Variants in SKAP2 observed in about 807,000 individuals in gnomAD.
SKAP2 encodes src kinase associated phosphoprotein 2, also known as src kinase-associated phosphoprotein 2.
Under a neutral mutation model 54.9 loss-of-function variants are expected in SKAP2, and 28 were observed. That is an observed-to-expected ratio of 0.51 (90% confidence interval 0.38 to 0.70). The LOEUF is 0.70. Among genes scored for constraint, SKAP2 ranks in the 30% least tolerant of loss-of-function variants. The pLI, the probability that SKAP2 is intolerant of heterozygous loss-of-function variation, is 0.00. For synonymous variants in SKAP2, 137 were observed against 134.3 expected, an observed-to-expected ratio of 1.02 and a Z score of -0.14; for missense variants, 356 against 424.1, an observed-to-expected ratio of 0.84 and a Z score of 1.41.
intron 1 of SKAP2, among the ~76,000 whole-genome samples, chr7:26,855,306 T>A (rs529446238): frequency 1.3e-5 from 2 of 152,198 alleles, no homozygotes; most frequent in East Asian, 3.9e-4. Context: ...TTCATATTAT[T>A]ATGTCAATAC....
chr7:26,807,815 G>A (rs868374542), intron 4 of SKAP2, among the ~76,000 whole-genome samples: 9 of 152,150 alleles, frequency 5.9e-5, no homozygotes, highest in Admixed American at 3.3e-4. Context: ...CCACATTGAC[G>A]CAAGACGCTC....
intron 1 of SKAP2, among the ~76,000 whole-genome samples, chr7:26,860,400 G>T (rs1176019491): frequency 6.6e-6 from 1 of 152,078 alleles, no homozygotes; most frequent in Non-Finnish European, 1.5e-5. Flanking sequence ...TTCTAGAAAA[G>T]AATATCTTGG....
chr7:26,689,111 C>G (rs1390685358), intron 10 of SKAP2, among the ~76,000 whole-genome samples: 2 of 152,166 alleles, frequency 1.3e-5, no homozygotes, highest in African/African-American at 4.8e-5. Context: ...AATCAGGCCT[C>G]TGTTTCCTTT....
At chr7:26,863,336 CTAGT>C (rs747432516) in intron 1 of SKAP2, among the ~76,000 whole-genome samples, 4 of 152,058 alleles carry the variant, frequency 2.6e-5, no homozygotes, top group Non-Finnish European at 4.4e-5. Flanking sequence ...AATCTGTAAT[CTAGT>C]TATTCATAAG....
At chr7:26,672,467 G>A (rs577170758) in intron 11 of SKAP2, among the ~76,000 whole-genome samples, 1 of 151,730 alleles carries the variant, frequency 6.6e-6, no homozygotes, top group South Asian at 2.1e-4. Context: ...ACTCTAGGGA[G>A]AAAAAAGGTT....
intron 3 of SKAP2, among the ~76,000 whole-genome samples, chr7:26,847,823 GA>G (rs1784957197): frequency 6.6e-6 from 1 of 152,164 alleles, no homozygotes; most frequent in South Asian, 2.1e-4. Context: ...ATTGCACAAA[GA>G]AAAGACATGA....
At chr7:26,753,477 G>C (rs1350319743) in intron 4 of SKAP2, among the ~76,000 whole-genome samples, 3 of 152,092 alleles carry the variant, frequency 2.0e-5, no homozygotes, top group Admixed American at 2.0e-4. Flanking sequence ...TCAATATACA[G>C]ATAAAACACA....
intron 2 of SKAP2, among the ~76,000 whole-genome samples, chr7:26,854,433 G>A (rs973600944): frequency 6.6e-6 from 1 of 151,922 alleles, no homozygotes; most frequent in Non-Finnish European, 1.5e-5. Context: ...ATTTAAAGTA[G>A]TAACAAAAGA....
At chr7:26,701,394 T>C (rs1787018692) in intron 9 of SKAP2, among the ~76,000 whole-genome samples, 1 of 152,216 alleles carries the variant, frequency 6.6e-6, no homozygotes, top group Non-Finnish European at 1.5e-5. Context: ...TCATATTTTC[T>C]TTGGTTATTC....
chr7:26,692,459 A>G (rs1462649646), intron 9 of SKAP2, among the ~76,000 whole-genome samples: 1 of 152,228 alleles, frequency 6.6e-6, no homozygotes, highest in African/African-American at 2.4e-5. Flanking sequence ...GGATGAATCA[A>G]AATCAGCATT....
At chr7:26,771,932 G>C (rs914492156) in intron 4 of SKAP2, among the ~76,000 whole-genome samples, 1 of 152,150 alleles carries the variant, frequency 6.6e-6, no homozygotes, top group Non-Finnish European at 1.5e-5. Context: ...AACTATCTGA[G>C]GGCAGGACCA....
In SKAP2 at chr7:26,864,558, C is replaced by G. The variant is rs1442663098; in HGVS notation, c.-129G>C. On this transcript the variant is annotated 5_prime_UTR_variant, in exon 1 of 13. Transcript: ENST00000345317. Reference sequence around the variant, plus strand: ...AGAACAGCGGGGCTACGAGTCGGGACACTGCCGGGCCGGGGCTCACAACAA... The same window carrying G: ...AGAACAGCGGGGCTACGAGTCGGGAGACTGCCGGGCCGGGGCTCACAACAA... 2 of 1,435,670 alleles carry G rather than the reference C, an allele frequency of 1.4e-6. No individual in the cohort carries two copies. The highest frequency in any genetic ancestry group is 1.8e-6 in the Non-Finnish European group (2 of 1,094,814). The allele number at this position is 1,435,670 out of a possible 1,614,324, so 88.9% of individuals were successfully genotyped here. A position where few individuals can be genotyped will look rare whatever the true frequency, so the allele number is the denominator to read the frequency against.
At chr7:26,687,842 T>C (rs917375288) in intron 10 of SKAP2, among the ~76,000 whole-genome samples, 5 of 152,188 alleles carry the variant, frequency 3.3e-5, no homozygotes, top group African/African-American at 1.2e-4. Context: ...TAAACATACA[T>C]TTTAAAGCAC....
At chr7:26,691,577 G>A (rs1179611149) in intron 9 of SKAP2, among the ~76,000 whole-genome samples, 1 of 152,204 alleles carries the variant, frequency 6.6e-6, no homozygotes. Flanking sequence ...AAAGTAACAG[G>A]AAGCCTCTGC....
chr7:26,839,597 A>C (rs1303914889), intron 4 of SKAP2, among the ~76,000 whole-genome samples: 1 of 152,086 alleles, frequency 6.6e-6, no homozygotes, highest in African/African-American at 2.4e-5. Flanking sequence ...GTTATTGAAA[A>C]ATTTTTTTTC....
chr7:26,818,605 C>T (rs1384125745), intron 4 of SKAP2, among the ~76,000 whole-genome samples: 1 of 152,124 alleles, frequency 6.6e-6, no homozygotes, highest in African/African-American at 2.4e-5. Context: ...AGCTTCTGGA[C>T]AGCAGAAGAA....
intron 4 of SKAP2, among the ~76,000 whole-genome samples, chr7:26,808,928 A>C (rs528387531): frequency 6.6e-6 from 1 of 152,124 alleles, no homozygotes. Flanking sequence ...CAGGTAACAA[A>C]AGCAAAAGTT....
chr7:26,755,465 A>C (rs1782770082), intron 4 of SKAP2, among the ~76,000 whole-genome samples: 1 of 152,194 alleles, frequency 6.6e-6, no homozygotes. Flanking sequence ...CAAATTAATA[A>C]GAAAAAAGTG....
intron 4 of SKAP2, among the ~76,000 whole-genome samples, chr7:26,793,508 A>G (rs1164959448): frequency 6.6e-6 from 1 of 152,172 alleles, no homozygotes; most frequent in Admixed American, 6.5e-5. Flanking sequence ...CATAAGTCTA[A>G]GTTTTAAAAT....
Sources: allele counts gnomAD v4.1 joint callset (sites outside exome capture counted in the v4.1 genomes callset), GRCh38; gene constraint gnomAD v4.1.1; transcripts MANE v1.5; gene names NCBI Gene and HGNC (gene_info 2026-07-23, HGNC 2026-07-21).